RBM27: variants seen among roughly 807,000 people sequenced by gnomAD.
The protein encoded by RBM27 is RNA binding motif protein 27.
Under a neutral mutation model 135.3 loss-of-function variants are expected in RBM27, and 22 were observed. The observed-to-expected ratio is 0.16, with a 90% CI of 0.12 to 0.23. The LOEUF (loss-of-function observed/expected upper bound fraction) is 0.23. Ranked by LOEUF, RBM27 falls within the 10% of genes least tolerant of loss-of-function variation. RBM27 has a pLI of 1.00. For synonymous variants in RBM27, 481 were observed against 442.4 expected (o/e 1.09, Z -1.10); for missense variants, 1,009 against 1,281.0 (o/e 0.79, Z 3.24).
intron 10 of RBM27, among the ~76,000 whole-genome samples, chr5:146,258,038 C>T (rs1028938895): frequency 5.9e-5 from 9 of 152,028 alleles, no homozygotes; most frequent in African/African-American, 2.2e-4. Flanking sequence ...AGGCTGGTCT[C>T]GAACTCCCGA....
At chr5:146,226,966 G>A (rs1756706640) in intron 3 of RBM27, among the ~76,000 whole-genome samples, 1 of 152,190 alleles carries the variant, frequency 6.6e-6, no homozygotes, top group African/African-American at 2.4e-5. Context: ...AGGAGTCTGA[G>A]GTGGCACACA....
chr5:146,229,019 C>A lies in RBM27; in HGVS notation c.377C>A (p.Ser126Ter). ...TATCCTAGTCCCCAGAAGACTCGTT[C>A]AGAATCTAGTGAACGAAGGTTTGTG... ...KKYPSPQKTR[S>*]ESSERRTREK... Residue 126 changes from serine to a stop codon, truncating the protein, a stop_gained, in exon 4 of 21, where the codon TCA (serine) becomes TAA (stop). Transcript: ENST00000265271. LOFTEE classifies it high-confidence loss of function. The A allele has an allele frequency of 6.2e-7, 1 of 1,613,494 alleles. No homozygotes were observed. The highest frequency in any genetic ancestry group is 1.1e-5 in the South Asian group (1 of 91,022).
chr5:146,243,816 T>C (rs1757507262), intron 8 of RBM27, among the ~76,000 whole-genome samples: 1 of 152,192 alleles, frequency 6.6e-6, no homozygotes. Flanking sequence ...GGTGTTTAGT[T>C]GTGCAGATGA....
intron 14 of RBM27, among the ~76,000 whole-genome samples, chr5:146,264,654 TA>T (rs35210934): frequency 0.052 from 5,090 of 97,874 alleles, 189 homozygotes; most frequent in African/African-American, 0.13. Flanking sequence ...CAAAGAGAGC[TA>T]AAAAAAAAAA....
intron 1 of RBM27, among the ~76,000 whole-genome samples, chr5:146,211,464 CTTTTTTTTTTTTTTTTTTTTTTTTT>C (rs57117642): frequency 2.0e-5 from 1 of 49,904 alleles, no homozygotes; most frequent in Non-Finnish European, 3.7e-5. Flanking sequence ...ATGGTCTTAT[CTTTTTTTTTTTTTTTTTTTTTTTTT>C]TTTTTACTTT....
At chr5:146,208,158 C>T (rs186033580) in intron 1 of RBM27, among the ~76,000 whole-genome samples, 4 of 150,344 alleles carry the variant, frequency 2.7e-5, no homozygotes, top group Admixed American at 6.6e-5. Flanking sequence ...AGTTTCACCA[C>T]GTTGGTCAGG....
At chr5:146,263,749 A>G in intron 14 of RBM27, 118 bp downstream of exon 14, 1 of 1,178,386 alleles carries the variant, frequency 8.5e-7, no homozygotes, top group Middle Eastern at 2.2e-4. Context: ...TGTGGCAGGT[A>G]TACCTCTCTA....
At chr5:146,238,611 C>A (rs1379332175) in intron 8 of RBM27, among the ~76,000 whole-genome samples, 1 of 150,706 alleles carries the variant, frequency 6.6e-6, no homozygotes, top group Non-Finnish European at 1.5e-5. Flanking sequence ...CCTTCAAAAA[C>A]ATTTTTTAAA....
At position 146,241,148 on chromosome 5, in the gene RBM27, C is replaced by T. The variant is rs1432759; in HGVS notation, c.1279+3716C>T. On this transcript the variant is annotated intron_variant, in intron 8 of 20. Transcript: ENST00000265271. ...GTATTATGACTCATGATAAAAATTC[C>T]ATCTTGTTTTTAATTTAAAAAAAAT... 2.9e-3 allele frequency among the ~76,000 whole-genome samples: 430 copies of T among 147,380 alleles called. 3 individuals carry two copies. Among genetic ancestry groups the T allele is most frequent in the South Asian group, 4.4e-3 (21 of 4,802 alleles).
chr5:146,229,149 A>C lies in RBM27; in HGVS notation c.395+112A>C. 6 of 732,776 alleles carry C rather than the reference A, an allele frequency of 8.2e-6. No homozygotes were observed. In the East Asian group the frequency reaches 1.1e-4, roughly 13 times the overall value. The allele number at this position is 732,776 out of a possible 1,614,324, so 45.4% of individuals were successfully genotyped here. ...TACTTACTCCTCTCTCTGTAAACTC[A>C]TTAAAGAAAGATGTTACCTTTCTTC... On this transcript the variant is annotated intron_variant, in intron 4 of 20. Transcript: ENST00000265271.
chr5:146,274,457 G>T (rs1759004144), intron 19 of RBM27, among the ~76,000 whole-genome samples: 5 of 152,004 alleles, frequency 3.3e-5, no homozygotes. Flanking sequence ...ATGGGGTTTT[G>T]CCATGTTGGC....
At chr5:146,234,799 C>T (rs749572367) in intron 7 of RBM27, among the ~76,000 whole-genome samples, 10 of 151,684 alleles carry the variant, frequency 6.6e-5, no homozygotes, top group African/African-American at 1.2e-4. Context: ...TTTGGGAGGC[C>T]GAAGTGGGTG....
chr5:146,218,737 G>A (rs921138528), intron 1 of RBM27, among the ~76,000 whole-genome samples: 7 of 152,108 alleles, frequency 4.6e-5, no homozygotes, highest in Admixed American at 6.6e-5. Flanking sequence ...TGTAGAGCTC[G>A]CCCAAGATCC....
In RBM27 at chr5:146,267,699, A is replaced by G. The variant is rs1292307931; in HGVS notation, c.2382A>G (p.Leu794=). 2 of 1,608,096 alleles carry G rather than the reference A, an allele frequency of 1.2e-6. No homozygotes were observed. Among genetic ancestry groups the G allele is most frequent in the African/African-American group, 2.7e-5 (2 of 74,638 alleles). ...HPKMIYSSSN[L]KTPSKLCSGS... is the part of the protein sequence containing the mutation. ...AAATGATTTACAGCTCCTCAAACTTAAAGACACCTTCAAAGCTCTGTTCAG... is the reference window on the plus strand; with the variant it reads ...AAATGATTTACAGCTCCTCAAACTTGAAGACACCTTCAAAGCTCTGTTCAG... The change falls in exon 15 of 21, where the codon TTA becomes TTG. Residue 794 remains leucine, a synonymous_variant. Coordinates refer to ENST00000265271, the MANE Select transcript of RBM27 (RefSeq NM_018989.2).
chr5:146,258,965 TAGTC>T (rs1442202213), intron 11 of RBM27, among the ~76,000 whole-genome samples: 1 of 151,972 alleles, frequency 6.6e-6, no homozygotes, highest in African/African-American at 2.4e-5. Context: ...TTCACCTTGT[TAGTC>T]AGGCTGGTCT....
chr5:146,244,947 C>T (rs987022819), intron 8 of RBM27, among the ~76,000 whole-genome samples: 9 of 151,784 alleles, frequency 5.9e-5, no homozygotes, highest in South Asian at 2.1e-4. Flanking sequence ...GATTCTAGCT[C>T]GCTGCAGCCT....
intron 8 of RBM27, among the ~76,000 whole-genome samples, chr5:146,237,737 G>C (rs1030909652): frequency 3.9e-5 from 6 of 152,104 alleles, no homozygotes; most frequent in Non-Finnish European, 8.8e-5. Context: ...ACCCAGGCTG[G>C]AGTGCAGTGG....
At chr5:146,261,001 A>G (rs751592220) in intron 12 of RBM27, 103 bp downstream of exon 12, 10 of 1,168,852 alleles carry the variant, frequency 8.6e-6, no homozygotes, top group Non-Finnish European at 1.1e-5. Flanking sequence ...TATTCTGATC[A>G]TCTCTGCTAA....
chr5:146,234,193 CAG>C (rs1186850890), intron 7 of RBM27, among the ~76,000 whole-genome samples: 1 of 151,960 alleles, frequency 6.6e-6, no homozygotes, highest in Non-Finnish European at 1.5e-5. Flanking sequence ...TTTAAGATGT[CAG>C]AGAAAAAACA....
Sources: allele counts gnomAD v4.1 joint callset (sites outside exome capture counted in the v4.1 genomes callset), GRCh38; gene constraint gnomAD v4.1.1; transcripts MANE v1.5; gene names NCBI Gene and HGNC (gene_info 2026-07-23, HGNC 2026-07-21).